The following METTL15 variants were observed in gnomAD, a reference collection of about 807,000 sequenced individuals.
The protein encoded by METTL15 is methyltransferase 15, mitochondrial 12S rRNA N4-cytidine, also known as 12S rRNA N(4)-cytidine methyltransferase METTL15.
Under a neutral mutation model 38.3 loss-of-function variants are expected in METTL15, and 34 were observed. That is an observed-to-expected ratio of 0.89 (90% CI 0.68 to 1.18). The LOEUF (loss-of-function observed/expected upper bound fraction) is 1.18, where lower values mean the gene tolerates loss of function less well. Among genes scored for constraint, METTL15 ranks in the 50% most tolerant of loss-of-function variants. The pLI, the probability that METTL15 is intolerant of heterozygous loss-of-function variation, is 0.00. For synonymous variants in METTL15, 162 were observed against 170.9 expected, an observed-to-expected ratio of 0.95 and a Z score of 0.41; for missense variants, 438 against 498.4, an observed-to-expected ratio of 0.88 and a Z score of 1.15.
chr11:28,455,324 A>T (rs1851158724), intron 6 of METTL15, among the ~76,000 whole-genome samples: 1 of 150,414 alleles, frequency 6.6e-6, no homozygotes, highest in Non-Finnish European at 1.5e-5. Flanking sequence ...CATCCCAACA[A>T]TATTAAATGT....
chr11:28,284,620 G>A (rs1856181372), intron 4 of METTL15, among the ~76,000 whole-genome samples: 1 of 152,142 alleles, frequency 6.6e-6, no homozygotes, highest in Non-Finnish European at 1.5e-5. Context: ...TAGCAGCAGT[G>A]TACATGAAAA....
intron 3 of METTL15, among the ~76,000 whole-genome samples, chr11:28,131,562 A>G (rs1321702963): frequency 7.6e-6 from 1 of 131,694 alleles, no homozygotes. Context: ...GATATTTCTC[A>G]GGTAAATGTT....
At chr11:28,282,164 A>G (rs1400803138) in intron 4 of METTL15, among the ~76,000 whole-genome samples, 3 of 151,838 alleles carry the variant, frequency 2.0e-5, no homozygotes, top group Non-Finnish European at 4.4e-5. Flanking sequence ...CTAACATGCT[A>G]CTCTCTCCCA....
intron 6 of METTL15, among the ~76,000 whole-genome samples, chr11:28,308,051 A>G (rs1309902105): frequency 1.3e-5 from 2 of 152,020 alleles, no homozygotes; most frequent in African/African-American, 4.8e-5. Context: ...AATGATGCTT[A>G]GTTGGGTGTA....
At chr11:28,225,156 T>G (rs1056047519) in intron 4 of METTL15, among the ~76,000 whole-genome samples, 2 of 151,884 alleles carry the variant, frequency 1.3e-5, no homozygotes, top group Non-Finnish European at 3.0e-5. Context: ...AATTCTATCT[T>G]GGGATTTAGA....
At chr11:28,436,132 T>A (rs1850980225) in intron 6 of METTL15, among the ~76,000 whole-genome samples, 1 of 152,206 alleles carries the variant, frequency 6.6e-6, no homozygotes, top group African/African-American at 2.4e-5. Context: ...ATTTAAAATT[T>A]TCTTAGTTAT....
chr11:28,511,787 C>T (rs935019696), intron 6 of METTL15, among the ~76,000 whole-genome samples: 9 of 152,096 alleles, frequency 5.9e-5, no homozygotes, highest in Admixed American at 3.9e-4. Flanking sequence ...TTGCAAAGAG[C>T]GAAAGAACAA....
At chr11:28,470,255 TATTGGAG>T (rs1448128909) in intron 6 of METTL15, among the ~76,000 whole-genome samples, 4 of 152,146 alleles carry the variant, frequency 2.6e-5, no homozygotes, top group African/African-American at 9.6e-5. Context: ...GGACTGCATA[TATTGGAG>T]ATTGCTAGTT....
intron 4 of METTL15, among the ~76,000 whole-genome samples, chr11:28,277,947 CAT>C (rs1855906377): frequency 6.6e-6 from 1 of 152,048 alleles, no homozygotes; most frequent in Non-Finnish European, 1.5e-5. Flanking sequence ...ACGGTACAAA[CAT>C]ATAGTTGGAA....
chr11:28,122,104 C>T, intron 3 of METTL15: 4 of 1,186,742 alleles, frequency 3.4e-6, no homozygotes, highest in Non-Finnish European at 4.3e-6. Context: ...CTCCATCTTA[C>T]TCACTCAAAG....
intron 3 of METTL15, among the ~76,000 whole-genome samples, chr11:28,154,711 G>A (rs903246112): frequency 6.6e-6 from 1 of 152,060 alleles, no homozygotes; most frequent in Non-Finnish European, 1.5e-5. Flanking sequence ...TACAAGGATT[G>A]TGCTGATTTT....
At chr11:28,475,434 G>A (rs1463558245) in intron 6 of METTL15, among the ~76,000 whole-genome samples, 1 of 152,136 alleles carries the variant, frequency 6.6e-6, no homozygotes, top group Non-Finnish European at 1.5e-5. Context: ...AAAGAGTCCA[G>A]CCCCATTTCT....
At chr11:28,237,793 C>G (rs1257102365) in intron 4 of METTL15, among the ~76,000 whole-genome samples, 1 of 152,024 alleles carries the variant, frequency 6.6e-6, no homozygotes, top group African/African-American at 2.4e-5. Flanking sequence ...TGTGGATGTC[C>G]TTTCTGTTTG....
chr11:28,138,406 T>C (rs1210848901), intron 3 of METTL15, among the ~76,000 whole-genome samples: 1 of 152,204 alleles, frequency 6.6e-6, no homozygotes, highest in Non-Finnish European at 1.5e-5. Flanking sequence ...TACCCTACTT[T>C]AGCCATGCCA....
intron 4 of METTL15, among the ~76,000 whole-genome samples, chr11:28,256,198 A>G (rs1420160477): frequency 6.6e-6 from 1 of 152,128 alleles, no homozygotes; most frequent in Admixed American, 6.6e-5. Context: ...TATCAGGGTA[A>G]TACTAGCCTC....
chr11:28,113,971 A>C lies in METTL15; in HGVS notation c.270+367A>C, dbSNP rs780012054. ...TTCGGTAGGTTAAGTACTTAAATGCATTTTTGACACATGGTGTTTTCAACT... is the reference window on the plus strand; with the variant it reads ...TTCGGTAGGTTAAGTACTTAAATGCCTTTTTGACACATGGTGTTTTCAACT... On this transcript the variant is annotated intron_variant, in intron 3 of 6. Transcript: ENST00000407364. Among the ~76,000 whole-genome samples, 37 of 152,298 alleles carry C rather than the reference A, an allele frequency of 2.4e-4. No homozygotes were observed. The East Asian group carries it at 2.5e-3, about 10-fold the overall frequency.
chr11:28,473,952 G>A (rs1851323894), intron 6 of METTL15, among the ~76,000 whole-genome samples: 1 of 151,732 alleles, frequency 6.6e-6, no homozygotes, highest in Non-Finnish European at 1.5e-5. Context: ...CATACCCCAG[G>A]GCAGAATTGA....
At chr11:28,221,167 G>C (rs980073058) in intron 4 of METTL15, among the ~76,000 whole-genome samples, 1 of 152,088 alleles carries the variant, frequency 6.6e-6, no homozygotes, top group Non-Finnish European at 1.5e-5. Flanking sequence ...TTCCAACTTG[G>C]TTCCATTCTC....
chr11:28,478,468 C>T (rs953702169), intron 6 of METTL15, among the ~76,000 whole-genome samples: 6 of 152,138 alleles, frequency 3.9e-5, no homozygotes, highest in African/African-American at 1.4e-4. Flanking sequence ...GATTATCTGA[C>T]CTCTCTTGCA....
Sources: gnomAD v4.1 joint callset for allele counts (sites outside exome capture counted in the v4.1 genomes callset) on GRCh38, gnomAD v4.1.1 for gene constraint, MANE v1.5 for transcripts, NCBI Gene and HGNC (gene_info 2026-07-23, HGNC 2026-07-21) for gene names.